The following C11orf65 variants were observed in gnomAD, a reference collection of about 807,000 sequenced individuals.
C11orf65 encodes the protein chromosome 11 open reading frame 65.
A neutral mutation model predicts 35.3 loss-of-function variants in C11orf65; 38 were observed. The ratio of observed to expected loss-of-function variants is 1.08; its 90% CI spans 0.83 to 1.41. C11orf65 has a LOEUF of 1.41. Ranked by LOEUF, C11orf65 falls within the 40% of genes most tolerant of loss-of-function variation. The probability of loss-of-function intolerance (pLI) is 0.00; values close to 1 mark genes in which losing one functional copy is unlikely to be tolerated. For missense variants in C11orf65, 370 were observed against 367.1 expected (o/e 1.01, Z -0.06); for synonymous variants, 105 against 114.4 (o/e 0.92, Z 0.53).
At chr11:108,413,921 C>T in intron 3 of C11orf65, among the ~76,000 whole-genome samples, 1 of 151,980 alleles carries the variant, frequency 6.6e-6, no homozygotes, top group Non-Finnish European at 1.5e-5. Flanking sequence ...AAAAACAGAG[C>T]TTACAGGAAA....
In C11orf65 at chr11:108,333,871, C is replaced by CA; in HGVS notation, c.299+1348dup. ...CCTCAGTTTGTCACTAAAATCTCTTCATTTTTAAATACAGAAGGCATAAAT... is the reference window on the plus strand; with the variant it reads ...CCTCAGTTTGTCACTAAAATCTCTTCAATTTTTAAATACAGAAGGCATAAAT... On this transcript the variant is annotated intron_variant, in intron 3 of 3. Transcript: ENST00000524755. 2 of 1,582,318 alleles carry CA rather than the reference C, an allele frequency of 1.3e-6. No individual in the cohort carries two copies. The highest frequency in any genetic ancestry group is 1.7e-6 in the Non-Finnish European group (2 of 1,151,144).
chr11:108,334,854 T>C, intron 3 of C11orf65: 2 of 1,275,544 alleles, frequency 1.6e-6, no homozygotes, highest in African/African-American at 1.5e-5. Flanking sequence ...TTAACCACTA[T>C]CACATCGTCA....
intron 3 of C11orf65, among the ~76,000 whole-genome samples, chr11:108,423,145 C>T (rs553766356): frequency 6.6e-6 from 1 of 152,288 alleles, no homozygotes; most frequent in African/African-American, 2.4e-5. Context: ...GTTTCAAGCA[C>T]AAAATTGAGC....
downstream of C11orf65, chr11:108,327,770 G>T (rs779420244): frequency 2.5e-6 from 4 of 1,586,856 alleles, no homozygotes; most frequent in South Asian, 4.4e-5. Flanking sequence ...TAAGATTTTT[G>T]GAGCAACCCT....
intron 7 of C11orf65, among the ~76,000 whole-genome samples, chr11:108,390,518 G>A (rs997374444): frequency 3.3e-5 from 5 of 152,092 alleles, no homozygotes; most frequent in Admixed American, 6.5e-5. Flanking sequence ...TTGTTTGCCG[G>A]CCCTTAGCTT....
chr11:108,439,116 G>T (rs2093111270), intron 2 of C11orf65, among the ~76,000 whole-genome samples: 1 of 152,026 alleles, frequency 6.6e-6, no homozygotes, highest in African/African-American at 2.4e-5. Flanking sequence ...GAAACATAAA[G>T]AACTGCTACA....
chr11:108,454,773 T>G lies in C11orf65; in HGVS notation c.81+6706A>C, dbSNP rs537891874. ...CCACACCTGATTTTCTTGTTTTTAT[T>G]AGTTAGTCTAGTTAAAGATTTGCCA... On this transcript the variant is annotated intron_variant, in intron 2 of 8. Transcript: ENST00000393084. 2.0e-5 allele frequency among the ~76,000 whole-genome samples: 3 copies of G among 152,308 alleles called. No individual in the cohort carries two copies. In the East Asian group the frequency reaches 5.8e-4, roughly 29 times the overall value.
intron 6 of C11orf65, among the ~76,000 whole-genome samples, chr11:108,313,301 A>T (rs1441229244): frequency 6.6e-6 from 1 of 152,150 alleles, no homozygotes; most frequent in African/African-American, 2.4e-5. Flanking sequence ...TTTCTCACAA[A>T]GACAAAATAA....
At chr11:108,353,495 A>G (rs987542521) in intron 2 of C11orf65, among the ~76,000 whole-genome samples, 1 of 152,178 alleles carries the variant, frequency 6.6e-6, no homozygotes, top group Admixed American at 6.5e-5. Flanking sequence ...AAATTATACC[A>G]GTAGTTACTT....
At chr11:108,316,692 G>A (rs954635576) in intron 6 of C11orf65, among the ~76,000 whole-genome samples, 7 of 148,274 alleles carry the variant, frequency 4.7e-5, no homozygotes, top group Middle Eastern at 3.3e-3. Flanking sequence ...AGCAGATCAC[G>A]AGGTCAGGAG....
intron 2 of C11orf65, among the ~76,000 whole-genome samples, chr11:108,446,436 A>G (rs11212642): frequency 0.16 from 24,264 of 147,322 alleles, 2,071 homozygotes; most frequent in African/African-American, 0.24. Context: ...CGGATCTCTC[A>G]GCAGAAACTC....
At position 108,316,287 on chromosome 11, in the gene C11orf65, A is replaced by G. The variant is rs111373632; in HGVS notation, c.641-7216T>C. Among the ~76,000 whole-genome samples the G allele has an allele frequency of 1.9e-3, 287 of 151,220 alleles. 1 individual carries two copies. The highest frequency in any genetic ancestry group is 3.4e-3 in the Middle Eastern group (1 of 294). Reference sequence around the variant, plus strand: ...GGATACTCCTGAAGCAGAGGGATGCAAAAAAAAGAGAAAAAATTCAGGGAG... The same window carrying G: ...GGATACTCCTGAAGCAGAGGGATGCGAAAAAAAGAGAAAAAATTCAGGGAG... On this transcript the variant is annotated intron_variant, in intron 6 of 6. Transcript: ENST00000525729.
intron 2 of C11orf65, chr11:108,365,723 G>C: frequency 1.5e-6 from 1 of 652,968 alleles, no homozygotes; most frequent in Admixed American, 3.0e-5. Context: ...TAGAAATAAT[G>C]GTCATTCGGG....
chr11:108,440,940 A>G (rs2093143125), intron 2 of C11orf65, among the ~76,000 whole-genome samples: 1 of 152,154 alleles, frequency 6.6e-6, no homozygotes, highest in African/African-American at 2.4e-5. Flanking sequence ...CGGCATTTCC[A>G]AGTGAGGTAC....
intron 2 of C11orf65, among the ~76,000 whole-genome samples, chr11:108,369,296 A>G (rs1215310636): frequency 1.3e-5 from 2 of 152,174 alleles, no homozygotes; most frequent in African/African-American, 4.8e-5. Context: ...ATAATGCTGC[A>G]TCTCAGTCTA....
intron 7 of C11orf65, 38 bp from the exon 8 acceptor site, chr11:108,386,013 A>T (rs1041256557): frequency 1.3e-6 from 2 of 1,530,034 alleles, no homozygotes; most frequent in Non-Finnish European, 1.8e-6. Flanking sequence ...AATTTAATCG[A>T]TTCATTAGTA....
intron 6 of C11orf65, chr11:108,326,363 C>A: frequency 8.3e-7 from 1 of 1,208,694 alleles, no homozygotes; most frequent in Non-Finnish European, 1.1e-6. Flanking sequence ...TAAAACTAGT[C>A]TTGAAAATTA....
At chr11:108,336,642 A>G (rs1388709315) in intron 2 of C11orf65, among the ~76,000 whole-genome samples, 1 of 152,214 alleles carries the variant, frequency 6.6e-6, no homozygotes, top group Non-Finnish European at 1.5e-5. Flanking sequence ...TGAACATACA[A>G]ATTTCATACA....
downstream of C11orf65, among the ~76,000 whole-genome samples, chr11:108,378,960 T>G (rs1304457379): frequency 6.6e-6 from 1 of 152,120 alleles, no homozygotes; most frequent in Non-Finnish European, 1.5e-5. Context: ...TGGCGATCAT[T>G]AAAAAGTCAG....
Sources: gnomAD v4.1 joint callset for allele counts (sites outside exome capture counted in the v4.1 genomes callset) on GRCh38, gnomAD v4.1.1 for gene constraint, MANE v1.5 for transcripts, NCBI Gene and HGNC (gene_info 2026-07-23, HGNC 2026-07-21) for gene names.